LATS2: variants seen among roughly 807,000 people sequenced by gnomAD.
LATS2 encodes the protein large tumor suppressor kinase 2.
A neutral mutation model predicts 76.0 loss-of-function variants in LATS2; 24 were observed. The observed-to-expected ratio is 0.32, with a 90% CI of 0.23 to 0.44. The LOEUF is 0.44. LATS2 is among the 20% of genes least tolerant of loss of function. The pLI, the probability that LATS2 is intolerant of heterozygous loss-of-function variation, is 1.00. For missense variants in LATS2, 1,286 were observed against 1,481.2 expected (o/e 0.87, Z 2.16); for synonymous variants, 692 against 635.4 (o/e 1.09, Z -1.34).
intron 2 of LATS2, among the ~76,000 whole-genome samples, chr13:20,994,038 G>A (rs1870631758): frequency 6.6e-6 from 1 of 152,196 alleles, no homozygotes; most frequent in Admixed American, 6.5e-5. Flanking sequence ...CCAAGGAAGG[G>A]ACAGCTCCAG....
chr13:21,015,701 T>C (rs1432963110), intron 2 of LATS2, among the ~76,000 whole-genome samples: 1 of 152,190 alleles, frequency 6.6e-6, no homozygotes, highest in Non-Finnish European at 1.5e-5. Flanking sequence ...CCTCATTTTA[T>C]TTATTTATTT....
intron 2 of LATS2, among the ~76,000 whole-genome samples, chr13:21,018,550 GCAGGTC>G (rs887955978): frequency 2.0e-5 from 3 of 152,272 alleles, no homozygotes; most frequent in Non-Finnish European, 4.4e-5. Context: ...TGCTTGCGCA[GCAGGTC>G]CAGGAAGACT....
chr13:20,993,580 G>A (rs565371900), intron 2 of LATS2, among the ~76,000 whole-genome samples: 2 of 152,066 alleles, frequency 1.3e-5, no homozygotes, highest in East Asian at 3.9e-4. Context: ...TGGGACATGG[G>A]ACATGAAGTG....
At chr13:20,987,697 C>T (rs1870220495) in intron 4 of LATS2, among the ~76,000 whole-genome samples, 184 bp downstream of exon 4, 2 of 152,156 alleles carry the variant, frequency 1.3e-5, no homozygotes, top group African/African-American at 2.4e-5. Context: ...AGGGGAAAGG[C>T]GAAAGGGAGG....
chr13:21,048,563 G>C (rs1416753026), intron 1 of LATS2, among the ~76,000 whole-genome samples: 12 of 152,118 alleles, frequency 7.9e-5, no homozygotes, highest in Admixed American at 7.9e-4. Flanking sequence ...GGACGTGGTG[G>C]CTCACGTCTG....
At chr13:21,047,780 T>C (rs939876223) in intron 1 of LATS2, among the ~76,000 whole-genome samples, 4 of 151,930 alleles carry the variant, frequency 2.6e-5, no homozygotes, top group African/African-American at 9.7e-5. Flanking sequence ...TTAATTTACA[T>C]AGATCTATTG....
Position 21,060,504 on chromosome 13 carries a change from C to T in LATS2, c.-205+842G>A, listed in dbSNP as rs565605971. The stretch of plus-strand genomic sequence containing the variant: ...ACCGTGAGCAAACTCGCAGAGTTGG[C>T]GCGGCAGCCGGCCGGGAGACGCCGA... On this transcript the variant is annotated intron_variant, in intron 1 of 7. Coordinates refer to ENST00000382592, the MANE Select transcript of LATS2 (RefSeq NM_014572.3). 3.2e-4 allele frequency among the ~76,000 whole-genome samples: 48 copies of T among 152,300 alleles called. 1 individual carries two copies. The highest frequency in any genetic ancestry group is 2.8e-3 in the Admixed American group (43 of 15,306).
intron 2 of LATS2, among the ~76,000 whole-genome samples, chr13:21,040,026 T>C (rs1327596677): frequency 6.7e-6 from 1 of 150,328 alleles, no homozygotes; most frequent in Non-Finnish European, 1.5e-5. Flanking sequence ...TAAGCCGAGA[T>C]AGCTCCATTG....
chr13:20,991,313 C>A lies in LATS2; in HGVS notation c.434G>T (p.Arg145Met), dbSNP rs1212679729. 1.9e-6 allele frequency: 3 copies of A among 1,614,070 alleles called. No homozygotes were observed. The highest frequency in any genetic ancestry group is 3.3e-5 in the Admixed American group (2 of 60,008). The change falls in exon 3 of 8, where the codon AGG becomes ATG. Residue 145 changes from arginine to methionine, a missense_variant. Arg to Met is a moderately conservative substitution (Grantham distance 91). Transcript: ENST00000382592. This position sits in a 1 kb window ranked among gnomAD's most constrained non-coding sequence, Gnocchi z 4.9. Reference protein sequence around the residue: ...YISKMGYLDPRNEQIVRVIKQ... With the variant: ...YISKMGYLDPMNEQIVRVIKQ... ...AATGACCCGCACAATCTGCTCATTC[C>A]TCGGGTCCAGGTAGCCCATCTTGCT...
intron 1 of LATS2, among the ~76,000 whole-genome samples, chr13:21,056,616 G>A (rs984501081): frequency 6.6e-6 from 1 of 152,102 alleles, no homozygotes; most frequent in Non-Finnish European, 1.5e-5. Context: ...GTTCTCAATC[G>A]TTAAGAAAGC....
At chr13:21,031,955 A>C (rs1872543332) in intron 2 of LATS2, among the ~76,000 whole-genome samples, 1 of 152,190 alleles carries the variant, frequency 6.6e-6, no homozygotes, top group African/African-American at 2.4e-5. Context: ...TAGCTTTTTA[A>C]AAATTGTTTA....
At chr13:20,986,121 T>C (rs1275558448) in intron 4 of LATS2, among the ~76,000 whole-genome samples, 3 of 152,226 alleles carry the variant, frequency 2.0e-5, no homozygotes, top group African/African-American at 4.8e-5. Flanking sequence ...AAGAGGTGCA[T>C]GGAAAGATGC....
At chr13:21,008,900 G>C (rs1871462240) in intron 2 of LATS2, among the ~76,000 whole-genome samples, 1 of 152,136 alleles carries the variant, frequency 6.6e-6, no homozygotes, top group African/African-American at 2.4e-5. Flanking sequence ...CTGTACTTAT[G>C]TCTGTAGGGG....
In LATS2 at chr13:20,973,571, C is replaced by A. The variant is rs904379344; in HGVS notation, c.*1299G>T. The A allele has an allele frequency of 4.3e-6, 1 of 231,668 alleles. No individual in the cohort carries two copies. The highest frequency in any genetic ancestry group is 8.5e-6 in the Non-Finnish European group (1 of 117,114). 14.4% of individuals were successfully genotyped at this position (231,668 alleles called of 1,614,324 possible). On this transcript the variant is annotated 3_prime_UTR_variant, in exon 8 of 8. Transcript: ENST00000382592. Reference sequence around the variant, plus strand: ...ATACATCTATACTTCTAAGAAAATACGTATGGCTTACTTTTTATTTCAATG... The same window carrying A: ...ATACATCTATACTTCTAAGAAAATAAGTATGGCTTACTTTTTATTTCAATG...
In LATS2 at chr13:20,973,235, T is replaced by G. The variant is rs780671828; in HGVS notation, c.*1635A>C. Reference sequence around the variant, plus strand: ...AGTCACGACGACAGGCACAGCAGACTTGAGTATGCCACTCACACAAATGTA... The same window carrying G: ...AGTCACGACGACAGGCACAGCAGACGTGAGTATGCCACTCACACAAATGTA... On this transcript the variant is annotated 3_prime_UTR_variant, in exon 8 of 8. Transcript: ENST00000382592. 8.6e-6 allele frequency: 2 copies of G among 232,448 alleles called. No homozygotes were observed. The highest frequency in any genetic ancestry group is 1.7e-5 in the Non-Finnish European group (2 of 117,424). The allele number at this position is 232,448 out of a possible 1,614,324, so 14.4% of individuals were successfully genotyped here. A position where few individuals can be genotyped will look rare whatever the true frequency, so the allele number is the denominator to read the frequency against.
rs12561505 is a variant in LATS2 at position 21,019,319 on chromosome 13, A to C, written c.342+26366T>G. 5.3e-3 allele frequency among the ~76,000 whole-genome samples: 654 copies of C among 124,054 alleles called. 4 individuals carry two copies. The highest frequency in any genetic ancestry group is 0.021 in the African/African-American group (602 of 29,046). The allele number at this position is 124,054 out of a possible 152,430, so 81.4% of individuals were successfully genotyped here. On this transcript the variant is annotated intron_variant, in intron 2 of 7. Coordinates refer to ENST00000382592, the MANE Select transcript of LATS2 (RefSeq NM_014572.3). Reference sequence around the variant, plus strand: ...ATTTGTTATTATTATTATTATTATTATTATTATTATTATTATTATTATTTG... The same window carrying C: ...ATTTGTTATTATTATTATTATTATTCTTATTATTATTATTATTATTATTTG...
At chr13:21,059,636 C>T (rs1204263189) in intron 1 of LATS2, among the ~76,000 whole-genome samples, 1 of 150,438 alleles carries the variant, frequency 6.6e-6, no homozygotes, top group Admixed American at 6.6e-5. Flanking sequence ...TCATATCCAT[C>T]CTAGAGAAGC....
intron 2 of LATS2, among the ~76,000 whole-genome samples, chr13:21,024,813 C>G (rs1209960112): frequency 6.6e-6 from 1 of 151,878 alleles, no homozygotes; most frequent in African/African-American, 2.4e-5. Flanking sequence ...CTTTTTTGCA[C>G]TATGTCTTCC....
At chr13:21,057,097 C>CA (rs1873472977) in intron 1 of LATS2, among the ~76,000 whole-genome samples, 2 of 152,166 alleles carry the variant, frequency 1.3e-5, no homozygotes, top group African/African-American at 2.4e-5. Flanking sequence ...TGCCTAGAGG[C>CA]AGGGAGGCTC....
Sources: gnomAD v4.1 joint callset for allele counts (sites outside exome capture counted in the v4.1 genomes callset) on GRCh38, gnomAD v4.1.1 for gene constraint, Gnocchi (gnomAD v3.1) non-coding constraint, MANE v1.5 for transcripts, NCBI Gene and HGNC (gene_info 2026-07-23, HGNC 2026-07-21) for gene names.